The following DCAF15 variants were observed in gnomAD, a reference collection of about 807,000 sequenced individuals.
DCAF15 encodes the protein DDB1 and CUL4 associated factor 15, also known as DDB1- and CUL4-associated factor 15.
In DCAF15, 24 loss-of-function variants were observed where a neutral mutation model predicts 68.0. That is an observed-to-expected ratio of 0.35 (90% confidence interval 0.26 to 0.50). DCAF15 has a LOEUF of 0.50. Ranked by LOEUF, DCAF15 falls within the 20% of genes least tolerant of loss-of-function variation. The pLI, the probability that DCAF15 is intolerant of heterozygous loss-of-function variation, is 0.98. For missense variants in DCAF15, 627 were observed against 830.6 expected, an observed-to-expected ratio of 0.75 and a Z score of 3.01; for synonymous variants, 376 against 341.6, an observed-to-expected ratio of 1.10 and a Z score of -1.11.
At position 13,956,280 on chromosome 19, in the gene DCAF15, G is replaced by GC; in HGVS notation, c.613+19dup. 3 of 1,611,866 alleles carry GC rather than the reference G, an allele frequency of 1.9e-6. No homozygotes were observed. In the South Asian group the frequency reaches 3.3e-5, roughly 18 times the overall value. ...CCACCCAGGTGAGGGGGCCGAGGGG[G>GC]CGAGGGCCTCTTCCCCCCTCCCCCC... On this transcript the variant is annotated intron_variant, in intron 5 of 12. Transcript: ENST00000254337.
At chr19:13,957,691 T>C (rs1015614130) in intron 6 of DCAF15, among the ~76,000 whole-genome samples, 4 of 152,156 alleles carry the variant, frequency 2.6e-5, no homozygotes, top group Admixed American at 2.0e-4. Context: ...GCGGATCACA[T>C]GAGATCAGGG....
In DCAF15 at chr19:13,956,153, C is replaced by A; in HGVS notation, c.504C>A (p.Asn168Lys). The A allele has an allele frequency of 6.2e-7, 1 of 1,610,290 alleles. No homozygotes were observed. The highest frequency in any genetic ancestry group is 8.5e-7 in the Non-Finnish European group (1 of 1,178,832). The change falls in exon 5 of 13, where the codon AAC becomes AAA. Residue 168 changes from asparagine to lysine, a missense_variant. Around this residue, in one of 3 missense-constraint regions of DCAF15, gnomAD observed 273 missense variants for 393.7 expected, o/e 0.69. Transcript: ENST00000254337. ...NTRSANGMLM[N>K]MMMMSDENHR... ...GCTCGGCCAACGGGATGCTCATGAA[C>A]ATGATGATGATGAGTGACGAGAACC...
At chr19:13,955,653 G>A (rs533571550) in intron 3 of DCAF15, among the ~76,000 whole-genome samples, 11 of 152,294 alleles carry the variant, frequency 7.2e-5, no homozygotes, top group Admixed American at 5.9e-4. Context: ...TTCAGGGTAG[G>A]CTGGGCTTGG....
chr19:13,960,135 G>C, intron 10 of DCAF15, 66 bp downstream of exon 10: 1 of 1,596,052 alleles, frequency 6.3e-7, no homozygotes, highest in South Asian at 1.1e-5. Flanking sequence ...TCACGGTGGG[G>C]GTGTGGGGAC....
Position 13,960,474 on chromosome 19 carries a change from CTG to C in DCAF15, c.1642_1643del (p.Trp548GlufsTer30), listed in dbSNP as rs1254524699. 6.2e-7 allele frequency: 1 copy of C among 1,611,794 alleles called. No individual in the cohort carries two copies. The highest frequency in any genetic ancestry group is 8.5e-7 in the Non-Finnish European group (1 of 1,179,302). ...CCCCCTGGCCCCGCAGCGGCAGTGTCTGGAGCTCCTACCGCAAGAGCTGCGTG... is the reference window on the plus strand; with the variant it reads ...CCCCCTGGCCCCGCAGCGGCAGTGTCGAGCTCCTACCGCAAGAGCTGCGTG... ...EVKGQTSGSV[W>X]SSYRKSCVDM... is the part of the protein sequence containing the mutation. On this transcript the variant is annotated frameshift_variant, in exon 12 of 13. Coordinates refer to ENST00000254337, the MANE Select transcript of DCAF15 (RefSeq NM_138353.4). LOFTEE classifies it high-confidence loss of function.
At position 13,959,280 on chromosome 19, in the gene DCAF15, G is replaced by A; in HGVS notation, c.1020G>A (p.Glu340=). ...AAGAGGCCAAGGGCGGGGTCCCTGAGGAAGCCCGGCCTGCCCTGTGCCCAG... is the reference window on the plus strand; with the variant it reads ...AAGAGGCCAAGGGCGGGGTCCCTGAAGAAGCCCGGCCTGCCCTGTGCCCAG... ...RAKEAKGGVP[E]EARPALCPGP... is the part of the protein sequence containing the mutation. The change falls in exon 7 of 13, where the codon GAG becomes GAA. Residue 340 remains glutamate (E), a synonymous_variant. Coordinates refer to ENST00000254337, the MANE Select transcript of DCAF15 (RefSeq NM_138353.4). 6.2e-7 allele frequency: 1 copy of A among 1,610,832 alleles called. No individual in the cohort carries two copies. The highest frequency in any genetic ancestry group is 1.3e-5 in the African/African-American group (1 of 75,024).
rs1304013097 is a variant in DCAF15, at chr19:13,956,007, C to G, written c.462C>G (p.Val154=). 13 of 1,613,692 alleles carry G rather than the reference C, an allele frequency of 8.1e-6. No homozygotes were observed. Among genetic ancestry groups the G allele is most frequent in the Non-Finnish European group, 1.1e-5 (13 of 1,180,010 alleles). The change falls in exon 4 of 13, where the codon GTC becomes GTG. Residue 154 remains valine (V), a synonymous_variant. Transcript: ENST00000254337. ...CCAGCGACGCCTCCAAGGTCATCGT[C>G]TTCGGCTTCAAGTGAGACCAGGCGC... ...EWPSDASKVI[V]FGFNTRSANG...
Position 13,957,579 on chromosome 19 carries a change from G to A in DCAF15, c.784+1057G>A, listed in dbSNP as rs370153811. ...GCGTGCACATGTGGGTGAAACACAA[G>A]GAATCTATAACTGGAACCACTTAAT... is the stretch of plus-strand genomic sequence containing the variant. On this transcript the variant is annotated intron_variant, in intron 6 of 12. Transcript: ENST00000254337. 2.4e-4 allele frequency among the ~76,000 whole-genome samples: 37 copies of A among 152,308 alleles called. 1 individual carries two copies. In the South Asian group the frequency reaches 7.7e-3, roughly 32 times the overall value.
intron 12 of DCAF15, 33 bp downstream of exon 12, chr19:13,960,613 C>T (rs1973585063): frequency 6.6e-7 from 1 of 1,523,650 alleles, no homozygotes; most frequent in Non-Finnish European, 8.9e-7. Context: ...TGGTCAGGGT[C>T]ACCAGGAACA....
rs369076815 is a variant in DCAF15 at position 13,956,305 on chromosome 19, C to A, written c.613+43C>A. On this transcript the variant is annotated intron_variant, in intron 5 of 12. Coordinates refer to ENST00000254337, the MANE Select transcript of DCAF15 (RefSeq NM_138353.4). ...GCGAGGGCCTCTTCCCCCCTCCCCC[C>A]CTTGCTCCGGGCCGAGAGTGAGCTG... 104 of 1,611,732 alleles carry A rather than the reference C, an allele frequency of 6.5e-5. No individual in the cohort carries two copies. The African/African-American group carries it at 1.1e-3, about 17-fold the overall frequency.
chr19:13,959,728 A>G (rs1568450738), intron 8 of DCAF15, 39 bp from the exon 9 acceptor site: 4 of 1,612,798 alleles, frequency 2.5e-6, no homozygotes, highest in Non-Finnish European at 3.4e-6. Context: ...GCCGGGGGGC[A>G]GTTGGCACCG....
intron 3 of DCAF15, 125 bp downstream of exon 3, chr19:13,954,786 G>A: frequency 9.5e-7 from 1 of 1,052,050 alleles, no homozygotes; most frequent in Non-Finnish European, 1.4e-6. Flanking sequence ...TCATCATCAA[G>A]ATTCCATGTG....
chr19:13,958,249 C>T (rs1157481731), intron 6 of DCAF15, among the ~76,000 whole-genome samples: 2 of 152,148 alleles, frequency 1.3e-5, no homozygotes, highest in Non-Finnish European at 2.9e-5. Flanking sequence ...AGGGAAAGGG[C>T]GTGGTCATCA....
chr19:13,959,650 A>C lies in DCAF15; in HGVS notation c.1288A>C (p.Met430Leu). 6.2e-7 allele frequency: 1 copy of C among 1,611,600 alleles called. No individual in the cohort carries two copies. Among genetic ancestry groups the C allele is most frequent in the South Asian group, 1.1e-5 (1 of 91,010 alleles). ...TDLRGRNLRP[M>L]RERTAVQGQY... ...TCTTCGTGGCCGCAACCTGCGGCCC[A>C]TGCGGGAGCGGACTGCTGTCCAGGT... The change falls in exon 8 of 13, where the codon ATG becomes CTG. Residue 430 changes from methionine to leucine, a missense_variant. Around this residue, in one of 3 missense-constraint regions of DCAF15, gnomAD observed 236 missense variants for 225.1 expected, o/e 1.05. Coordinates refer to ENST00000254337, the MANE Select transcript of DCAF15 (RefSeq NM_138353.4).
Position 13,952,544 on chromosome 19 carries a change from G to C in DCAF15, c.32G>C (p.Ser11Thr). MAPSSKSERN[S>T]GAGSGGGGPG... The stretch of plus-strand genomic sequence containing the variant: ...CCCAGCTCGAAATCGGAGCGGAACA[G>C]CGGGGCTGGGAGCGGCGGCGGCGGC... Residue 11 changes from serine (S) to threonine (T), a missense_variant, in exon 1 of 13, where the codon AGC (serine) becomes ACC (threonine). Coordinates refer to ENST00000254337, the MANE Select transcript of DCAF15 (RefSeq NM_138353.4). 7.9e-7 allele frequency: 1 copy of C among 1,261,812 alleles called. No homozygotes were observed. The highest frequency in any genetic ancestry group is 1.0e-6 in the Non-Finnish European group (1 of 997,948). 78.2% of individuals were successfully genotyped at this position (1,261,812 alleles called of 1,614,324 possible). A position where few individuals can be genotyped will look rare whatever the true frequency, so the allele number is the denominator to read the frequency against.
intron 2 of DCAF15, 38 bp from the exon 3 acceptor site, chr19:13,954,488 G>A (rs202057762): frequency 6.2e-6 from 10 of 1,613,974 alleles, no homozygotes; most frequent in Middle Eastern, 1.6e-4. Flanking sequence ...TGGTGGGCTC[G>A]CCCTGACCTG....
chr19:13,959,955 C>G (rs760464446), intron 9 of DCAF15, 29 bp from the exon 10 acceptor site: 1 of 1,508,446 alleles, frequency 6.6e-7, no homozygotes, highest in Admixed American at 1.8e-5. Context: ...TCGCCCTCAA[C>G]AGTTGGCATC....
Position 13,960,288 on chromosome 19 carries a change from C to T in DCAF15, c.1528C>T (p.Pro510Ser). The change falls in exon 11 of 13, where the codon CCA becomes TCA. Residue 510 changes from proline to serine, a missense_variant and splice_region_variant. Transcript: ENST00000254337. ...PSPTEEGQLR[P>S]KTYHTSLKVA... Reference sequence around the variant, plus strand: ...GTCCTATGTCCCTCTCCACTGTAGACCAAAGACCTATCACACCAGCCTCAA... The same window carrying T: ...GTCCTATGTCCCTCTCCACTGTAGATCAAAGACCTATCACACCAGCCTCAA... 1 of 1,613,882 alleles carries T rather than the reference C, an allele frequency of 6.2e-7. No individual in the cohort carries two copies. Among genetic ancestry groups the T allele is most frequent in the Non-Finnish European group, 8.5e-7 (1 of 1,179,906 alleles).
At position 13,960,047 on chromosome 19, in the gene DCAF15, C is replaced by G. The variant is rs1016863221; in HGVS notation, c.1504C>G (p.Pro502Ala). 1 of 1,613,804 alleles carries G rather than the reference C, an allele frequency of 6.2e-7. No homozygotes were observed. Among genetic ancestry groups the G allele is most frequent in the Non-Finnish European group, 8.5e-7 (1 of 1,180,010 alleles). The change falls in exon 10 of 13, where the codon CCC (proline) becomes GCC (alanine). Residue 502 changes from proline to alanine, a missense_variant. Physicochemically the swap from Pro to Ala is conservative, Grantham distance 27 (BLOSUM62 -1). Around this residue, in one of 3 missense-constraint regions of DCAF15, gnomAD observed 118 missense variants for 211.8 expected, o/e 0.56. Transcript: ENST00000254337. ...IGLLLLAFPS[P>A]TEEGQLRPKT... ...CCTGCTGCTCCTGGCCTTCCCGTCC[C>G]CCACTGAGGAGGGCCAGCTCCGGTG...
Sources: gnomAD v4.1 joint callset for allele counts (sites outside exome capture counted in the v4.1 genomes callset) on GRCh38, gnomAD v4.1.1 for gene constraint, gnomAD v4.1.1 regional missense constraint, MANE v1.5 for transcripts, NCBI Gene and HGNC (gene_info 2026-07-23, HGNC 2026-07-21) for gene names.